Variants in XPNPEP2 observed in about 807,000 individuals in gnomAD.
The protein encoded by XPNPEP2 is X-prolyl aminopeptidase 2, also known as xaa-Pro aminopeptidase 2.
Under a neutral mutation model 59.8 loss-of-function variants are expected in XPNPEP2, and 64 were observed. The ratio of observed to expected loss-of-function variants is 1.07; its 90% CI spans 0.87 to 1.32. XPNPEP2 has a LOEUF of 1.32. Ranked by LOEUF, XPNPEP2 falls within the 40% of genes most tolerant of loss-of-function variation. The probability of loss-of-function intolerance (pLI) is 0.00; values close to 1 mark genes in which losing one functional copy is unlikely to be tolerated. For missense variants in XPNPEP2, 575 were observed against 546.8 expected (o/e 1.05, Z -0.51); for synonymous variants, 235 against 210.0 (o/e 1.12, Z -1.03).
intron 2 of XPNPEP2, 73 bp from the exon 3 acceptor site, chrX:129,743,888 C>G (rs1188063605): frequency 1.5e-5 from 15 of 988,720 alleles, no homozygotes; most frequent in Non-Finnish European, 2.1e-5. Flanking sequence ...GGCCAGGGGC[C>G]CAGATGTCAT....
rs772366103 is a variant in XPNPEP2 at position 129,756,504 on chromosome X, G to A, written c.1316G>A (p.Arg439His). The A allele has an allele frequency of 5.8e-6, 7 of 1,209,343 alleles. No homozygotes were observed. In the South Asian group the frequency reaches 7.0e-5, roughly 12 times the overall value. The change falls in exon 14 of 21, where the codon CGC becomes CAC. Residue 439 changes from arginine (R) to histidine (H), a missense_variant. By Grantham distance (29) the Arg-to-His change is conservative (BLOSUM62 0). Transcript: ENST00000371106. ...AHYSPTKELN[R>H]KLSSDEMYLL... ...CTCAGCCCGACCAAGGAGCTGAACC[G>A]CAAGCTGTCCTCAGATGAGATGTAC...
At chrX:129,760,640 C>A in intron 16 of XPNPEP2, 59 bp downstream of exon 16, 1 of 1,126,192 alleles carries the variant, frequency 8.9e-7, no homozygotes, top group Non-Finnish European at 1.2e-6. Context: ...AGGACTCAGA[C>A]CATCACCCTG....
chrX:129,757,958 A>G (rs1392209318), intron 14 of XPNPEP2, among the ~76,000 whole-genome samples: 1 of 103,991 alleles, frequency 9.6e-6, no homozygotes, highest in African/African-American at 3.4e-5. Context: ...AAAGAAAGAA[A>G]GAAAAAGAAT....
intron 3 of XPNPEP2, among the ~76,000 whole-genome samples, chrX:129,744,609 T>G (rs1187317527): frequency 1.8e-5 from 2 of 112,091 alleles, no homozygotes; most frequent in East Asian, 5.6e-4. Context: ...AGGGCATTTT[T>G]AGTGTCAATG....
intron 10 of XPNPEP2, among the ~76,000 whole-genome samples, chrX:129,752,566 T>C (rs968710788): frequency 1.5e-4 from 17 of 112,110 alleles, no homozygotes; most frequent in Non-Finnish European, 1.7e-4. Flanking sequence ...CTGGAGAGTA[T>C]ACGGCCTGAT....
At chrX:129,747,884 C>A in intron 7 of XPNPEP2, 131 bp downstream of exon 7, 1 of 952,482 alleles carries the variant, frequency 1.0e-6, no homozygotes, top group Non-Finnish European at 1.5e-6. Context: ...GCACCTGAGT[C>A]ACCTGGGATG....
chrX:129,755,488 G>A (rs5932674), intron 13 of XPNPEP2, 117 bp downstream of exon 13: 146,212 of 708,801 alleles, frequency 0.21, 11,617 homozygotes, highest in Non-Finnish European at 0.24. Context: ...GAAGGTCCGA[G>A]GCCCCTAGCC....
chrX:129,753,128 G>T (rs1262589664), intron 10 of XPNPEP2, 31 bp from the exon 11 acceptor site: 4 of 1,182,207 alleles, frequency 3.4e-6, no homozygotes, highest in Non-Finnish European at 4.6e-6. Context: ...TGTGCCCCCA[G>T]ACCTCCTTTT....
Position 129,745,285 on chromosome X carries a change from C to T in XPNPEP2, c.298+19C>T, listed in dbSNP as rs1360918400. 3.3e-6 allele frequency: 4 copies of T among 1,210,476 alleles called. No individual in the cohort carries two copies. Among genetic ancestry groups the T allele is most frequent in the Non-Finnish European group, 3.4e-6 (3 of 894,524 alleles). ...TCTGCAGGTGACAATCATTACCCAG[C>T]CCCATTGCTTTTGTTGGTAGATCCA... On this transcript the variant is annotated intron_variant, in intron 4 of 20. Coordinates refer to ENST00000371106, the MANE Select transcript of XPNPEP2 (RefSeq NM_003399.6).
chrX:129,743,185 T>C (rs1926230687), intron 2 of XPNPEP2, among the ~76,000 whole-genome samples: 1 of 112,772 alleles, frequency 8.9e-6, no homozygotes, highest in Non-Finnish European at 1.9e-5. Flanking sequence ...ACATTACTTT[T>C]ATATTAAAAC....
At position 129,742,209 on chromosome X, in the gene XPNPEP2, GC is replaced by G. The variant is rs746067839; in HGVS notation, c.123+34del. On this transcript the variant is annotated intron_variant, in intron 2 of 20. Transcript: ENST00000371106. The stretch of plus-strand genomic sequence containing the variant: ...GAGTGCCCCCTGCCCCCCGCGCACG[GC>G]CCCCCTGGCCCCACGCACCCCCCCA... The G allele has an allele frequency of 1.1e-3, 1,038 of 915,909 alleles. 1 individual carries two copies. The highest frequency in any genetic ancestry group is 1.4e-3 in the Non-Finnish European group (952 of 686,347). The allele number at this position is 915,909 out of a possible 1,213,427, so 75.5% of individuals were successfully genotyped here.
chrX:129,742,176 C>T lies in XPNPEP2; in HGVS notation c.118C>T (p.Pro40Ser). The part of the protein sequence containing the change: ...GQDVRNCSTN[P>S]PYLPVTVVNT... The stretch of plus-strand genomic sequence containing the variant: ...GGATGTGAGAAACTGTTCCACCAAC[C>T]CCCCTGTGAGTGCCCCCTGCCCCCC... Residue 40 changes from proline (P) to serine (S), a missense_variant, in exon 2 of 21, where the codon CCC (proline) becomes TCC (serine). Pro to Ser is a moderately conservative substitution (Grantham distance 74). Transcript: ENST00000371106. 8.4e-7 allele frequency: 1 copy of T among 1,190,715 alleles called. No individual in the cohort carries two copies. The highest frequency in any genetic ancestry group is 1.1e-6 in the Non-Finnish European group (1 of 883,937).
intron 12 of XPNPEP2, 122 bp downstream of exon 12, chrX:129,754,703 G>A (rs1005037326): frequency 1.5e-6 from 1 of 660,641 alleles, no homozygotes; most frequent in Non-Finnish European, 2.3e-6. Context: ...CGTGCTGGGT[G>A]GGGGAGGGCT....
intron 8 of XPNPEP2, 56 bp downstream of exon 8, chrX:129,750,625 C>T: frequency 1.0e-6 from 1 of 980,751 alleles, no homozygotes; most frequent in Non-Finnish European, 1.4e-6. Context: ...ATGCCCCAAG[C>T]CTCCCGGGCC....
chrX:129,768,425 C>A lies in XPNPEP2; in HGVS notation c.1965C>A (p.Thr655=), dbSNP rs2235446. The A allele has an allele frequency of 8.3e-7, 1 of 1,207,461 alleles. No homozygotes were observed. Among genetic ancestry groups the A allele is most frequent in the South Asian group, 1.8e-5 (1 of 56,252 alleles). The part of the protein sequence containing the change: ...TEPLAARAPD[T]ASWASVLVVS... ...CCCTGGCCGCCAGGGCCCCAGACAC[C>A]GCCTCCTGGGCCTCTGTGTTAGTGG... The change falls in exon 21 of 21, where the codon ACC becomes ACA. Residue 655 remains threonine (T), a synonymous_variant. Coordinates refer to ENST00000371106, the MANE Select transcript of XPNPEP2 (RefSeq NM_003399.6).
At chrX:129,757,803 G>GAAAT (rs1172619001) in intron 14 of XPNPEP2, among the ~76,000 whole-genome samples, 1 of 60,776 alleles carries the variant, frequency 1.6e-5, no homozygotes, top group African/African-American at 7.7e-5. Flanking sequence ...AAGGAAGAAA[G>GAAAT]AAAGAAAGAA....
At chrX:129,752,051 T>C in intron 9 of XPNPEP2, 99 bp from the exon 10 acceptor site, 1 of 1,048,993 alleles carries the variant, frequency 9.5e-7, no homozygotes. Flanking sequence ...TGGGGCTGGC[T>C]TCCTTTGACC....
intron 8 of XPNPEP2, among the ~76,000 whole-genome samples, 200 bp from the exon 9 acceptor site, chrX:129,751,542 GAAA>G (rs1569476515): frequency 6.3e-4 from 18 of 28,628 alleles, no homozygotes; most frequent in Admixed American, 5.8e-3. Flanking sequence ...AAGGAAGAAA[GAAA>G]GAAAGAAAGA....
In XPNPEP2 at chrX:129,762,162, G is replaced by A. The variant is rs1926668738; in HGVS notation, c.1663+97G>A. 9 of 933,136 alleles carry A rather than the reference G, an allele frequency of 9.6e-6. No homozygotes were observed. In the Admixed American group the frequency reaches 2.0e-4, roughly 21 times the overall value. 76.9% of individuals were successfully genotyped at this position (933,136 alleles called of 1,213,427 possible). A position where few individuals can be genotyped will look rare whatever the true frequency, so the allele number is the denominator to read the frequency against. On this transcript the variant is annotated intron_variant, in intron 18 of 20. Coordinates refer to ENST00000371106, the MANE Select transcript of XPNPEP2 (RefSeq NM_003399.6). ...GTGTACCAGACTTCAGAGGAGCACA[G>A]CAGGCACTAGTACAGCTCGGGACTC...
Sources: allele counts gnomAD v4.1 joint callset (sites outside exome capture counted in the v4.1 genomes callset), GRCh38; gene constraint gnomAD v4.1.1; transcripts MANE v1.5; gene names NCBI Gene and HGNC (gene_info 2026-07-23, HGNC 2026-07-21).